Variants in MAP3K9 observed in about 807,000 individuals in gnomAD.
MAP3K9 encodes mixed lineage kinase 1 (tyr and ser/thr specificity).
In MAP3K9, 46 loss-of-function variants were observed where a neutral mutation model predicts 95.8. The ratio of observed to expected loss-of-function variants is 0.48; its 90% CI spans 0.38 to 0.61. The LOEUF (loss-of-function observed/expected upper bound fraction) is 0.61, where lower values mean the gene tolerates loss of function less well. Ranked by LOEUF, MAP3K9 falls within the 20% of genes least tolerant of loss-of-function variation. MAP3K9 has a pLI of 0.00. For synonymous variants in MAP3K9, 533 were observed against 593.8 expected, an observed-to-expected ratio of 0.90 and a Z score of 1.49; for missense variants, 1,296 against 1,474.3, an observed-to-expected ratio of 0.88 and a Z score of 1.98.
At chr14:70,731,211 C>T (rs1056265469) in intron 11 of MAP3K9, among the ~76,000 whole-genome samples, 6 of 151,844 alleles carry the variant, frequency 4.0e-5, no homozygotes, top group African/African-American at 1.4e-4. Context: ...TTTGGGAGGC[C>T]AAGGCAGGAG....
chr14:70,789,216 A>T (rs1421093969), intron 2 of MAP3K9, among the ~76,000 whole-genome samples: 1 of 152,178 alleles, frequency 6.6e-6, no homozygotes, highest in Non-Finnish European at 1.5e-5. Context: ...GCTTTTGCAC[A>T]GTTAGAAGGG....
rs540792324 is a variant in MAP3K9 at position 70,739,525 on chromosome 14, C to CACTT, written c.1690+513_1690+516dup. Among the ~76,000 whole-genome samples, 1,514 of 151,796 alleles carry CACTT rather than the reference C, an allele frequency of 1.0e-2. 16 individuals carry two copies. The highest frequency in any genetic ancestry group is 0.022 in the African/African-American group (915 of 41,386). The stretch of plus-strand genomic sequence containing the variant: ...GTTCACACACACACACACACACACA[C>CACTT]ACTTACATGTATGTGTGAGTATTTT... On this transcript the variant is annotated intron_variant, in intron 7 of 11. Transcript: ENST00000554752.
rs141360086 is a variant in MAP3K9 at position 70,784,295 on chromosome 14, A to G, written c.820+16372T>C. Among the ~76,000 whole-genome samples the G allele has an allele frequency of 5.2e-3, 793 of 152,182 alleles. 3 individuals are homozygous for G. The highest frequency in any genetic ancestry group is 0.01 in the Middle Eastern group (3 of 294). ...CAAAACTCCGTCTCAAAACAAAAAA[A>G]AATACTAAAATAAATAAAATAAAAT... On this transcript the variant is annotated intron_variant, in intron 2 of 11. Coordinates refer to ENST00000554752, the MANE Select transcript of MAP3K9 (RefSeq NM_001284230.2).
At chr14:70,738,859 G>A (rs2054023896) in intron 7 of MAP3K9, among the ~76,000 whole-genome samples, 1 of 152,178 alleles carries the variant, frequency 6.6e-6, no homozygotes, top group Non-Finnish European at 1.5e-5. Flanking sequence ...TGGAGTGGGA[G>A]AAGGGGAAGA....
At chr14:70,800,282 A>G (rs1388218601) in intron 2 of MAP3K9, among the ~76,000 whole-genome samples, 1 of 152,162 alleles carries the variant, frequency 6.6e-6, no homozygotes, top group Admixed American at 6.5e-5. Flanking sequence ...ATTCAAACAG[A>G]TAATAAAGGC....
chr14:70,785,907 T>C (rs1433660071), intron 2 of MAP3K9, among the ~76,000 whole-genome samples: 1 of 152,144 alleles, frequency 6.6e-6, no homozygotes, highest in Non-Finnish European at 1.5e-5. Flanking sequence ...TGGACCACAG[T>C]TGACTATGAG....
At chr14:70,738,467 T>TTG in intron 7 of MAP3K9, 69 bp from the exon 8 acceptor site, 3 of 1,389,300 alleles carry the variant, frequency 2.2e-6, no homozygotes, top group Non-Finnish European at 3.0e-6. Flanking sequence ...CTAGCCTCTA[T>TTG]ACCACCACAC....
At chr14:70,793,669 T>TTCAC (rs1408976254) in intron 2 of MAP3K9, among the ~76,000 whole-genome samples, 2 of 151,992 alleles carry the variant, frequency 1.3e-5, no homozygotes, top group Admixed American at 1.3e-4. Context: ...CATTCATTCA[T>TTCAC]TCATTCATTC....
chr14:70,734,109 G>A (rs1338420976), intron 10 of MAP3K9, among the ~76,000 whole-genome samples: 1 of 152,212 alleles, frequency 6.6e-6, no homozygotes, highest in Non-Finnish European at 1.5e-5. Flanking sequence ...CCTGTCATGG[G>A]ACTTTGCCTT....
At chr14:70,801,132 G>A (rs577764545) in intron 1 of MAP3K9, 52 bp from the exon 2 acceptor site, 102 of 1,529,782 alleles carry the variant, frequency 6.7e-5, no homozygotes, top group African/African-American at 5.8e-4. Context: ...TGAAAACATC[G>A]TATTTAACCT....
Position 70,727,211 on chromosome 14 carries a change from C to T in MAP3K9, c.*3169G>A, listed in dbSNP as rs2053831152. ...TCATTGTTGCTATTACTGCTACCAC[C>T]AGACCCTAGGGATGCCACAGGATGC... On this transcript the variant is annotated 3_prime_UTR_variant, in exon 12 of 12. Coordinates refer to ENST00000554752, the MANE Select transcript of MAP3K9 (RefSeq NM_001284230.2). 1 of 152,190 alleles carries T rather than the reference C, an allele frequency of 6.6e-6. No homozygotes were observed. Among genetic ancestry groups the T allele is most frequent in the Admixed American group, 6.5e-5 (1 of 15,284 alleles). 9.4% of individuals were successfully genotyped at this position (152,190 alleles called of 1,614,324 possible). A position where few individuals can be genotyped will look rare whatever the true frequency, so the allele number is the denominator to read the frequency against.
chr14:70,756,313 A>G (rs1489708203), intron 3 of MAP3K9, among the ~76,000 whole-genome samples: 1 of 152,166 alleles, frequency 6.6e-6, no homozygotes. Context: ...GTAAAACCTG[A>G]GCAATTTCAG....
chr14:70,798,701 A>G (rs1302271877), intron 2 of MAP3K9, among the ~76,000 whole-genome samples: 1 of 151,576 alleles, frequency 6.6e-6, no homozygotes, highest in Non-Finnish European at 1.5e-5. Context: ...GATGGTCTCG[A>G]TCTCCTGACC....
chr14:70,787,470 T>C (rs2054759272), intron 2 of MAP3K9, among the ~76,000 whole-genome samples: 1 of 147,506 alleles, frequency 6.8e-6, no homozygotes, highest in Admixed American at 6.9e-5. Context: ...ATGGCACCAC[T>C]GCACACCAGC....
At chr14:70,741,882 G>A (rs1254002046) in intron 6 of MAP3K9, among the ~76,000 whole-genome samples, 1 of 152,196 alleles carries the variant, frequency 6.6e-6, no homozygotes, top group Non-Finnish European at 1.5e-5. Flanking sequence ...GGGAGGTGGA[G>A]GTTGCAGTGA....
chr14:70,799,938 A>G (rs1377303415), intron 2 of MAP3K9, among the ~76,000 whole-genome samples: 1 of 152,218 alleles, frequency 6.6e-6, no homozygotes, highest in Non-Finnish European at 1.5e-5. Flanking sequence ...ACAGAAAAGA[A>G]GCGTATTCCT....
At chr14:70,740,248 C>A in intron 6 of MAP3K9, 84 bp from the exon 7 acceptor site, 1 of 1,417,940 alleles carries the variant, frequency 7.1e-7, no homozygotes, top group Non-Finnish European at 9.6e-7. Context: ...TCCTCAGCAT[C>A]CTTGAGGGAC....
At position 70,725,926 on chromosome 14, in the gene MAP3K9, T is replaced by G. The variant is rs182276769; in HGVS notation, c.*4454A>C. 1.3e-5 allele frequency: 2 copies of G among 152,162 alleles called. No individual in the cohort carries two copies. Among genetic ancestry groups the G allele is most frequent in the African/African-American group, 4.8e-5 (2 of 41,406 alleles). The allele number at this position is 152,162 out of a possible 1,614,324, so 9.4% of individuals were successfully genotyped here. ...GACTCATGGCCCCAGGACCATACAT[T>G]TGAAAGTTAGAAGGGCTTCAGGAGG... On this transcript the variant is annotated 3_prime_UTR_variant, in exon 12 of 12. Transcript: ENST00000554752.
At chr14:70,762,927 T>C (rs1047652339) in intron 2 of MAP3K9, among the ~76,000 whole-genome samples, 10 of 152,244 alleles carry the variant, frequency 6.6e-5, no homozygotes, top group Non-Finnish European at 1.3e-4. Flanking sequence ...AGGGGTCGAA[T>C]TTCATTCTTT....
Sources: gnomAD v4.1 joint callset for allele counts (sites outside exome capture counted in the v4.1 genomes callset) on GRCh38, gnomAD v4.1.1 for gene constraint, MANE v1.5 for transcripts, NCBI Gene and HGNC (gene_info 2026-07-23, HGNC 2026-07-21) for gene names.